Variants in ANO4 observed in about 807,000 individuals in gnomAD.
ANO4 encodes the protein anoctamin-4.
A neutral mutation model predicts 141.9 loss-of-function variants in ANO4; 69 were observed. That is an observed-to-expected ratio of 0.49 (90% CI 0.40 to 0.59). ANO4 has a LOEUF of 0.59. Among genes scored for constraint, ANO4 ranks in the 20% least tolerant of loss-of-function variants. The probability of loss-of-function intolerance (pLI) is 0.00; values close to 1 mark genes in which losing one functional copy is unlikely to be tolerated. For missense variants in ANO4, 894 were observed against 1,162.2 expected (o/e 0.77, Z 3.36); for synonymous variants, 350 against 394.3 (o/e 0.89, Z 1.33).
In ANO4 at chr12:100,743,464, A is replaced by G. The variant is rs79340939; in HGVS notation, c.358+3359A>G. Among the ~76,000 whole-genome samples the G allele has an allele frequency of 4.8e-3, 728 of 152,140 alleles. 10 individuals carry two copies. Among genetic ancestry groups the G allele is most frequent in the African/African-American group, 0.017 (697 of 41,526 alleles). ...AGTAAATGATGATAGTATTCAATTG[A>G]TATTAAATTCATTACAAATAATTTA... On this transcript the variant is annotated intron_variant, in intron 3 of 29. Coordinates refer to the ANO4 transcript ENST00000644049.
rs75184474 is a variant in ANO4 at position 101,106,933 on chromosome 12, A to T, written c.2150-3471A>T. ...GTTAATGGGCATTAATCACTTCAAGACCAATATCATGTGGGTCACCTTTGT... is the reference window on the plus strand; with the variant it reads ...GTTAATGGGCATTAATCACTTCAAGTCCAATATCATGTGGGTCACCTTTGT... On this transcript the variant is annotated intron_variant, in intron 22 of 27. Coordinates refer to ENST00000392977, the MANE Select transcript of ANO4 (RefSeq NM_001286615.2). Among the ~76,000 whole-genome samples, 270 of 151,616 alleles carry T rather than the reference A, an allele frequency of 1.8e-3. 1 individual carries two copies. The highest frequency in any genetic ancestry group is 3.2e-3 in the Non-Finnish European group (217 of 67,904).
upstream of ANO4, among the ~76,000 whole-genome samples, chr12:100,793,057 G>A (rs189400748): frequency 2.0e-5 from 3 of 152,176 alleles, no homozygotes; most frequent in African/African-American, 7.2e-5. Context: ...CATTAAAATA[G>A]TAGAACATTT....
intron 3 of ANO4, among the ~76,000 whole-genome samples, chr12:100,748,204 G>A (rs191683423): frequency 1.3e-5 from 2 of 152,300 alleles, no homozygotes; most frequent in East Asian, 3.9e-4. Flanking sequence ...CCATTTGATA[G>A]CATGAATTCA....
chr12:100,988,889 G>C (rs3059291), intron 8 of ANO4, among the ~76,000 whole-genome samples: 2 of 78,732 alleles, frequency 2.5e-5, no homozygotes, highest in African/African-American at 8.8e-5. Flanking sequence ...AAAAAAAAAA[G>C]AAAGAAAAAC....
rs1378330084 is a variant in ANO4, at chr12:100,740,222, A to AT, written c.358+117_358+118insT. 40 of 644,940 alleles carry AT rather than the reference A, an allele frequency of 6.2e-5. No individual in the cohort carries two copies. In the African/African-American group the frequency reaches 6.2e-4, roughly 10 times the overall value. 40.0% of individuals were successfully genotyped at this position (644,940 alleles called of 1,614,324 possible). On this transcript the variant is annotated intron_variant, in intron 3 of 29. Transcript: ENST00000644049. ...CTGCTTGTGTGATATGATGGACCCC[A>AT]ACAATACCTCTATGTTCATACTGGC... is the stretch of plus-strand genomic sequence containing the variant.
Position 100,906,516 on chromosome 12 carries a change from A to C in ANO4, c.55+4676A>C, listed in dbSNP as rs190354559. ...CAAGATGCTGTTACTGGTAATGACA[A>C]GGTTTAGGCCAAGGTACAAAACAAG... On this transcript the variant is annotated intron_variant, in intron 2 of 27. Transcript: ENST00000392977. Among the ~76,000 whole-genome samples, 336 of 152,296 alleles carry C rather than the reference A, an allele frequency of 2.2e-3. 2 individuals are homozygous for C. The highest frequency in any genetic ancestry group is 7.8e-3 in the African/African-American group (324 of 41,560).
intron 3 of ANO4, among the ~76,000 whole-genome samples, chr12:100,937,143 G>A (rs1384033162): frequency 6.6e-6 from 1 of 152,108 alleles, no homozygotes; most frequent in African/African-American, 2.4e-5. Flanking sequence ...TAGAGGAAAA[G>A]GGCTCTCAGA....
intron 3 of ANO4, among the ~76,000 whole-genome samples, chr12:100,772,579 G>A (rs1209676513): frequency 6.6e-6 from 1 of 152,196 alleles, no homozygotes; most frequent in Non-Finnish European, 1.5e-5. Context: ...CCCGAAATAT[G>A]TGACCAGGGC....
chr12:100,937,178 A>G (rs2042320342), intron 3 of ANO4, among the ~76,000 whole-genome samples: 1 of 152,192 alleles, frequency 6.6e-6, no homozygotes, highest in Non-Finnish European at 1.5e-5. Context: ...GACCATCTTC[A>G]GGTCATCATT....
chr12:100,958,618 T>C, intron 5 of ANO4, among the ~76,000 whole-genome samples: 1 of 151,942 alleles, frequency 6.6e-6, no homozygotes, highest in East Asian at 1.9e-4. Context: ...GAGGCCAAGG[T>C]GGAAGGATTA....
At chr12:101,089,385 A>C (rs1171324295) in intron 17 of ANO4, among the ~76,000 whole-genome samples, 1 of 152,096 alleles carries the variant, frequency 6.6e-6, no homozygotes, top group Non-Finnish European at 1.5e-5. Flanking sequence ...GTTGCTGATC[A>C]TTTTGACGTG....
intron 18 of ANO4, 114 bp downstream of exon 18, chr12:101,094,406 A>G (rs901209028): frequency 1.2e-6 from 1 of 803,770 alleles, no homozygotes; most frequent in Non-Finnish European, 1.9e-6. Flanking sequence ...TTTAAAATTC[A>G]TACAACAAGT....
chr12:100,894,794 G>C (rs1199003777), intron 1 of ANO4, among the ~76,000 whole-genome samples: 1 of 151,654 alleles, frequency 6.6e-6, no homozygotes, highest in Non-Finnish European at 1.5e-5. Context: ...GTGAAACCCC[G>C]TCTCTACTAA....
At chr12:101,095,797 G>A (rs1209899849) in intron 18 of ANO4, among the ~76,000 whole-genome samples, 3 of 152,120 alleles carry the variant, frequency 2.0e-5, no homozygotes, top group Non-Finnish European at 4.4e-5. Flanking sequence ...AAATTCATTC[G>A]ACATGAGATC....
intron 8 of ANO4, among the ~76,000 whole-genome samples, chr12:101,015,124 A>G (rs1262780626): frequency 6.6e-6 from 1 of 151,812 alleles, no homozygotes; most frequent in Admixed American, 6.6e-5. Flanking sequence ...CACCCAGCCA[A>G]AAATTGCAGT....
intron 1 of ANO4, among the ~76,000 whole-genome samples, chr12:100,841,002 A>G (rs1051926333): frequency 3.3e-5 from 5 of 152,140 alleles, no homozygotes; most frequent in Admixed American, 6.5e-5. Flanking sequence ...ACAAAATCCA[A>G]TGAAATGACC....
At chr12:100,829,655 G>T (rs1045867450) in intron 1 of ANO4, among the ~76,000 whole-genome samples, 1 of 152,020 alleles carries the variant, frequency 6.6e-6, no homozygotes, top group Non-Finnish European at 1.5e-5. Flanking sequence ...TGTCAAGGAA[G>T]AAATCAGTAC....
intron 2 of ANO4, among the ~76,000 whole-genome samples, chr12:100,913,228 A>G (rs569590330): frequency 8.5e-5 from 13 of 152,328 alleles, no homozygotes; most frequent in Non-Finnish European, 1.8e-4. Context: ...CAACCTTTTG[A>G]GCACAGAAAG....
In ANO4 at chr12:100,760,228, T is replaced by C. The variant is rs572004783; in HGVS notation, c.358+20123T>C. Among the ~76,000 whole-genome samples, 28 of 152,356 alleles carry C rather than the reference T, an allele frequency of 1.8e-4. No individual in the cohort carries two copies. The South Asian group carries it at 5.4e-3, about 29-fold the overall frequency. On this transcript the variant is annotated intron_variant, in intron 3 of 29. Transcript: ENST00000644049. ...GACGTTTAGGAGAGATTTTGGGGGC[T>C]AATATTCATTGAATACCTACTATGT...
Sources: allele counts gnomAD v4.1 joint callset (sites outside exome capture counted in the v4.1 genomes callset), GRCh38; gene constraint gnomAD v4.1.1; transcripts MANE v1.5; gene names NCBI Gene and HGNC (gene_info 2026-07-23, HGNC 2026-07-21).